ZNF385D: variants seen among roughly 807,000 people sequenced by gnomAD.
ZNF385D encodes zinc finger protein 385D, also known as zinc finger protein 659.
A neutral mutation model predicts 35.8 loss-of-function variants in ZNF385D; 15 were observed. The observed-to-expected ratio is 0.42, with a 90% confidence interval of 0.28 to 0.64. The LOEUF is 0.64. Among genes scored for constraint, ZNF385D ranks in the 30% least tolerant of loss-of-function variants. The pLI is 0.23. For synonymous variants in ZNF385D, 212 were observed against 186.8 expected, an observed-to-expected ratio of 1.13 and a Z score of -1.10; for missense variants, 474 against 494.6, an observed-to-expected ratio of 0.96 and a Z score of 0.39.
intron 4 of ZNF385D, among the ~76,000 whole-genome samples, chr3:21,487,249 A>G (rs1445486861): frequency 6.6e-6 from 1 of 152,096 alleles, no homozygotes; most frequent in East Asian, 1.9e-4. Flanking sequence ...CATTCCATAA[A>G]ATATTGTGGC....
In ZNF385D at chr3:21,983,123, G is replaced by GT. The variant is rs1694590070; in HGVS notation, c.325+185693dup. 2.0e-5 allele frequency among the ~76,000 whole-genome samples: 3 copies of GT among 150,376 alleles called. No individual in the cohort carries two copies. The South Asian group carries it at 6.3e-4, about 32-fold the overall frequency. On this transcript the variant is annotated intron_variant, in intron 3 of 5. Coordinates refer to the ZNF385D transcript ENST00000494108. ...GCCTCATAGAATGAATTGGGGAGGA[G>GT]TCCCTCCTCCTCAATTTTTTATTTT...
intron 2 of ZNF385D, among the ~76,000 whole-genome samples, chr3:22,321,696 A>G (rs1311169396): frequency 1.3e-5 from 2 of 152,104 alleles, no homozygotes; most frequent in South Asian, 2.1e-4. Context: ...AATGACTGAT[A>G]TATTTTATTC....
intron 3 of ZNF385D, among the ~76,000 whole-genome samples, chr3:21,529,310 A>T (rs936660881): frequency 6.6e-6 from 1 of 152,178 alleles, no homozygotes. Context: ...CCGAATAAAT[A>T]AAAAGACCCT....
At chr3:21,776,108 T>G (rs1023704680) in intron 3 of ZNF385D, among the ~76,000 whole-genome samples, 14 of 151,864 alleles carry the variant, frequency 9.2e-5, no homozygotes, top group African/African-American at 3.4e-4. Context: ...CAAAATATGT[T>G]AATTATTTAA....
At chr3:22,193,283 A>G (rs569701747) in intron 2 of ZNF385D, among the ~76,000 whole-genome samples, 68 of 152,194 alleles carry the variant, frequency 4.5e-4, no homozygotes, top group African/African-American at 1.6e-3. Context: ...TTCTCTTCCT[A>G]ATGGATTATA....
intron 3 of ZNF385D, among the ~76,000 whole-genome samples, chr3:22,000,901 G>A (rs996735780): frequency 1.6e-5 from 2 of 124,420 alleles, no homozygotes; most frequent in East Asian, 2.1e-4. Context: ...ATATTTAAGG[G>A]AGTTTTTTTT....
chr3:22,338,539 G>A (rs969540927), intron 2 of ZNF385D, among the ~76,000 whole-genome samples: 2 of 151,916 alleles, frequency 1.3e-5, no homozygotes, highest in Non-Finnish European at 1.5e-5. Flanking sequence ...ATTGATGTTG[G>A]CTCAGAAATA....
chr3:22,125,600 T>C (rs1250962526), intron 3 of ZNF385D, among the ~76,000 whole-genome samples: 1 of 152,126 alleles, frequency 6.6e-6, no homozygotes, highest in Non-Finnish European at 1.5e-5. Context: ...ATCCTCAATT[T>C]CTGGCATCAA....
At chr3:22,176,961 A>G (rs1694872732) in intron 2 of ZNF385D, among the ~76,000 whole-genome samples, 1 of 152,192 alleles carries the variant, frequency 6.6e-6, no homozygotes, top group African/African-American at 2.4e-5. Flanking sequence ...AGTTTCAAAG[A>G]CCAATGAAAA....
intron 3 of ZNF385D, among the ~76,000 whole-genome samples, chr3:21,812,928 C>T (rs920009482): frequency 1.3e-5 from 2 of 152,214 alleles, no homozygotes; most frequent in African/African-American, 4.8e-5. Context: ...AGTAGCCCAA[C>T]TGGGAGACAC....
At chr3:21,861,499 G>A (rs1408701108) in intron 3 of ZNF385D, among the ~76,000 whole-genome samples, 1 of 152,024 alleles carries the variant, frequency 6.6e-6, no homozygotes, top group African/African-American at 2.4e-5. Context: ...TACAATTAAT[G>A]GAAAATGTCT....
intron 2 of ZNF385D, among the ~76,000 whole-genome samples, chr3:22,278,537 T>C (rs1043630064): frequency 1.3e-5 from 2 of 152,172 alleles, no homozygotes; most frequent in African/African-American, 2.4e-5. Flanking sequence ...CAATATACTT[T>C]AGTTAATCCA....
chr3:22,002,115 A>T (rs1197794826), intron 3 of ZNF385D, among the ~76,000 whole-genome samples: 2 of 101,158 alleles, frequency 2.0e-5, no homozygotes, highest in Non-Finnish European at 3.9e-5. Flanking sequence ...AACAAAATAA[A>T]GACTTAAAAA....
At chr3:21,614,134 T>C (rs1396244880) in intron 2 of ZNF385D, among the ~76,000 whole-genome samples, 2 of 152,210 alleles carry the variant, frequency 1.3e-5, no homozygotes, top group Admixed American at 6.5e-5. Context: ...GTGGCTTTAC[T>C]AACAGAAATT....
intron 2 of ZNF385D, among the ~76,000 whole-genome samples, chr3:21,620,157 G>A (rs941742944): frequency 6.6e-6 from 1 of 152,174 alleles, no homozygotes; most frequent in Non-Finnish European, 1.5e-5. Context: ...ATTTTACAAA[G>A]TAACGAAGTG....
At chr3:22,126,354 T>C (rs1012900790) in intron 3 of ZNF385D, among the ~76,000 whole-genome samples, 2 of 148,666 alleles carry the variant, frequency 1.3e-5, no homozygotes, top group African/African-American at 4.9e-5. Flanking sequence ...TAGGCACTTG[T>C]TGCTATTAAC....
chr3:21,882,498 G>A (rs972055264), intron 3 of ZNF385D, among the ~76,000 whole-genome samples: 1 of 151,904 alleles, frequency 6.6e-6, no homozygotes, highest in Non-Finnish European at 1.5e-5. Flanking sequence ...ACTTTTATAT[G>A]CACTAGAAAA....
intron 3 of ZNF385D, among the ~76,000 whole-genome samples, chr3:21,818,744 G>A (rs2073268899): frequency 6.6e-6 from 1 of 151,668 alleles, no homozygotes; most frequent in Non-Finnish European, 1.5e-5. Flanking sequence ...TAATTGTGGA[G>A]GTAGGTAATG....
intron 2 of ZNF385D, among the ~76,000 whole-genome samples, chr3:21,623,623 G>T (rs1161893698): frequency 2.0e-5 from 3 of 152,008 alleles, no homozygotes; most frequent in Non-Finnish European, 4.4e-5. Flanking sequence ...TCTCACCACT[G>T]CATTCCAGTC....
Sources: allele counts gnomAD v4.1 joint callset (sites outside exome capture counted in the v4.1 genomes callset), GRCh38; gene constraint gnomAD v4.1.1; transcripts MANE v1.5; gene names NCBI Gene and HGNC (gene_info 2026-07-23, HGNC 2026-07-21).